Variants in FER observed in about 807,000 individuals in gnomAD.
The protein encoded by FER is FER tyrosine kinase, also known as tyrosine-protein kinase Fer.
In FER, 63 loss-of-function variants were observed where a neutral mutation model predicts 111.0. The ratio of observed to expected loss-of-function variants is 0.57; its 90% CI spans 0.46 to 0.70. The LOEUF is 0.70. FER is among the 30% of genes least tolerant of loss of function. FER has a pLI of 0.00. For synonymous variants in FER, 327 were observed against 313.9 expected (o/e 1.04, Z -0.44); for missense variants, 914 against 954.0 (o/e 0.96, Z 0.55).
intron 17 of FER, among the ~76,000 whole-genome samples, chr5:109,163,070 T>G (rs1470793791): frequency 6.6e-6 from 1 of 152,112 alleles, no homozygotes; most frequent in Non-Finnish European, 1.5e-5. Flanking sequence ...TTTCTAAAAT[T>G]GCATTTACAT....
At chr5:108,949,297 C>A (rs986762611) in intron 11 of FER, among the ~76,000 whole-genome samples, 1 of 151,894 alleles carries the variant, frequency 6.6e-6, no homozygotes, top group African/African-American at 2.4e-5. Flanking sequence ...AATCAAGGCA[C>A]GTTGTCAAGT....
chr5:109,141,754 A>C (rs904879888), intron 17 of FER, among the ~76,000 whole-genome samples: 1 of 152,208 alleles, frequency 6.6e-6, no homozygotes, highest in East Asian at 1.9e-4. Context: ...GTCAAGTTAC[A>C]CAGCCATGCC....
intron 13 of FER, among the ~76,000 whole-genome samples, chr5:108,993,536 AGGGAGAGGGAGACTGTG>A (rs914237719): frequency 5.4e-5 from 8 of 149,084 alleles, no homozygotes; most frequent in South Asian, 4.3e-4. Flanking sequence ...GTGGAAAGAG[AGGGAGAGGGAGACTGTG>A]GGGAGAGGGA....
intron 17 of FER, among the ~76,000 whole-genome samples, chr5:109,129,337 AT>A (rs1210269693): frequency 1.3e-5 from 2 of 151,978 alleles, no homozygotes; most frequent in African/African-American, 4.8e-5. Context: ...ATACATCTTA[AT>A]TTTCCCATTA....
intron 10 of FER, among the ~76,000 whole-genome samples, chr5:108,922,140 T>A (rs1294966781): frequency 6.6e-6 from 1 of 152,102 alleles, no homozygotes; most frequent in Non-Finnish European, 1.5e-5. Flanking sequence ...CTATAGGAAG[T>A]AAGGAAGGGT....
intron 17 of FER, among the ~76,000 whole-genome samples, chr5:109,119,974 A>G (rs1400889355): frequency 6.6e-6 from 1 of 151,734 alleles, no homozygotes; most frequent in Non-Finnish European, 1.5e-5. Context: ...GGATCATTAG[A>G]TTTTTCTTTC....
intron 10 of FER, among the ~76,000 whole-genome samples, chr5:108,906,859 A>C (rs1265039201): frequency 6.6e-6 from 1 of 152,128 alleles, no homozygotes; most frequent in Non-Finnish European, 1.5e-5. Context: ...CATCTTATGC[A>C]ATACCATGAT....
intron 17 of FER, among the ~76,000 whole-genome samples, chr5:109,142,918 T>C (rs185544310): frequency 6.6e-6 from 1 of 152,234 alleles, no homozygotes; most frequent in Admixed American, 6.6e-5. Context: ...CCTAAAAATT[T>C]TACCTCTTCA....
At chr5:109,178,111 A>G (rs1757903290) in intron 17 of FER, among the ~76,000 whole-genome samples, 2 of 152,186 alleles carry the variant, frequency 1.3e-5, no homozygotes, top group African/African-American at 2.4e-5. Context: ...CCCAGACACC[A>G]TATCCTTTTT....
At chr5:108,795,453 G>A (rs1580580584) in intron 2 of FER, among the ~76,000 whole-genome samples, 1 of 137,326 alleles carries the variant, frequency 7.3e-6, no homozygotes, top group South Asian at 2.3e-4. Flanking sequence ...TCCAACCTGG[G>A]AGACAGAGGG....
chr5:109,121,233 T>C (rs928124258), intron 17 of FER, among the ~76,000 whole-genome samples: 3 of 152,152 alleles, frequency 2.0e-5, no homozygotes, highest in African/African-American at 4.8e-5. Flanking sequence ...AGTGGGTCTG[T>C]CATGTATGGC....
chr5:108,999,405 A>T (rs1764419729), intron 13 of FER, among the ~76,000 whole-genome samples: 1 of 152,118 alleles, frequency 6.6e-6, no homozygotes, highest in African/African-American at 2.4e-5. Context: ...ATAGATTTTT[A>T]AAATTTATGG....
At chr5:108,821,106 C>T (rs896443712) in intron 3 of FER, among the ~76,000 whole-genome samples, 47 of 151,950 alleles carry the variant, frequency 3.1e-4, no homozygotes, top group Non-Finnish European at 5.9e-4. Flanking sequence ...AGTGAGACTA[C>T]GTCTCAAAAA....
intron 13 of FER, among the ~76,000 whole-genome samples, chr5:109,009,856 G>A (rs1454951697): frequency 6.6e-6 from 1 of 152,136 alleles, no homozygotes; most frequent in Admixed American, 6.5e-5. Context: ...TTAAGCCCAG[G>A]TTTAACAGTG....
At chr5:109,108,517 A>T (rs995328652) in intron 17 of FER, among the ~76,000 whole-genome samples, 10 of 152,040 alleles carry the variant, frequency 6.6e-5, no homozygotes, top group Admixed American at 1.3e-4. Flanking sequence ...ATTCCCTCAC[A>T]TTTCATGTCA....
chr5:109,047,895 C>A (rs533686870), intron 16 of FER, among the ~76,000 whole-genome samples: 2 of 152,250 alleles, frequency 1.3e-5, no homozygotes, highest in South Asian at 2.1e-4. Flanking sequence ...ATGTTAACAA[C>A]TTTTGACAAC....
In FER at chr5:108,978,299, A is replaced by G. The variant is rs75949103; in HGVS notation, c.1656+18952A>G. Among the ~76,000 whole-genome samples the G allele has an allele frequency of 1.5e-3, 228 of 152,358 alleles. 4 individuals carry two copies. The East Asian group carries it at 0.039, about 26-fold the overall frequency. The stretch of plus-strand genomic sequence containing the variant: ...ACATTCTAACATACAAAAATCCTTT[A>G]TAGATTTTTTCAGTTTTTCCAGTTG... On this transcript the variant is annotated intron_variant, in intron 13 of 19. Transcript: ENST00000281092.
intron 11 of FER, 139 bp from the exon 12 acceptor site, chr5:108,954,590 T>G (rs1231691258): frequency 3.2e-6 from 2 of 616,828 alleles, no homozygotes; most frequent in East Asian, 5.8e-5. Flanking sequence ...AAAGATATTT[T>G]AGGTTTATTG....
At chr5:109,062,470 G>A (rs1219685605) in intron 16 of FER, among the ~76,000 whole-genome samples, 1 of 152,120 alleles carries the variant, frequency 6.6e-6, no homozygotes, top group Non-Finnish European at 1.5e-5. Context: ...AGGTTACAGT[G>A]AACCAGGATC....
Sources: allele counts gnomAD v4.1 joint callset (sites outside exome capture counted in the v4.1 genomes callset), GRCh38; gene constraint gnomAD v4.1.1; transcripts MANE v1.5; gene names NCBI Gene and HGNC (gene_info 2026-07-23, HGNC 2026-07-21).